Variants in NTM observed in about 807,000 individuals in gnomAD.
NTM encodes the protein IgLON family member 2.
In NTM, 13 loss-of-function variants were observed where a neutral mutation model predicts 42.1. The observed-to-expected ratio is 0.31, with a 90% CI of 0.20 to 0.49. The LOEUF (loss-of-function observed/expected upper bound fraction) is 0.49. Among genes scored for constraint, NTM ranks in the 20% least tolerant of loss-of-function variants. The probability of loss-of-function intolerance (pLI) is 0.99; values close to 1 mark genes in which losing one functional copy is unlikely to be tolerated. For missense variants in NTM, 373 were observed against 452.8 expected (o/e 0.82, Z 1.60); for synonymous variants, 187 against 179.2 (o/e 1.04, Z -0.35).
chr11:131,776,010 C>T (rs1243197605), intron 1 of NTM, among the ~76,000 whole-genome samples: 1 of 152,180 alleles, frequency 6.6e-6, no homozygotes, highest in Admixed American at 6.5e-5. Flanking sequence ...GAAGTTCTTT[C>T]CTGGAACAAC....
intron 2 of NTM, among the ~76,000 whole-genome samples, chr11:132,113,813 C>T (rs1050385025): frequency 2.0e-5 from 3 of 152,110 alleles, no homozygotes; most frequent in African/African-American, 4.8e-5. Flanking sequence ...CTTTCCAAGC[C>T]CTGGGAGGAC....
chr11:132,070,634 C>T (rs1295677599), intron 2 of NTM, among the ~76,000 whole-genome samples: 2 of 127,946 alleles, frequency 1.6e-5, no homozygotes, highest in African/African-American at 2.9e-5. Context: ...AGCCAAAACA[C>T]GTCAAACTGA....
chr11:131,523,666 G>A (rs1454279032), intron 1 of NTM, among the ~76,000 whole-genome samples: 1 of 150,706 alleles, frequency 6.6e-6, no homozygotes, highest in Non-Finnish European at 1.5e-5. Context: ...GCACATGTCT[G>A]TAATACCAGC....
At chr11:132,063,667 G>A (rs1391194396) in intron 2 of NTM, among the ~76,000 whole-genome samples, 1 of 152,134 alleles carries the variant, frequency 6.6e-6, no homozygotes, top group East Asian at 1.9e-4. Context: ...ATACTGATGT[G>A]GAAGGACTGA....
intron 2 of NTM, among the ~76,000 whole-genome samples, chr11:131,935,558 C>T (rs2059118757): frequency 6.6e-6 from 1 of 151,872 alleles, no homozygotes; most frequent in African/African-American, 2.4e-5. Context: ...TGTGTGCTGA[C>T]CACAGATAAT....
intron 1 of NTM, among the ~76,000 whole-genome samples, chr11:131,657,492 C>T (rs1048981586): frequency 6.6e-6 from 1 of 152,200 alleles, no homozygotes; most frequent in Non-Finnish European, 1.5e-5. Context: ...TGGTCTCCAC[C>T]AATTCCAGTT....
At chr11:131,439,712 G>C (rs1565501765) in intron 1 of NTM, among the ~76,000 whole-genome samples, 1 of 152,200 alleles carries the variant, frequency 6.6e-6, no homozygotes, top group Non-Finnish European at 1.5e-5. Context: ...GGTACCATCT[G>C]TCATGGCTTC....
intron 1 of NTM, among the ~76,000 whole-genome samples, chr11:131,751,447 G>T (rs539054491): frequency 6.6e-6 from 1 of 151,986 alleles, no homozygotes; most frequent in Non-Finnish European, 1.5e-5. Flanking sequence ...AAAATTAGCC[G>T]GGCGCGGTGG....
At chr11:132,156,593 G>T (rs1043009285) in intron 3 of NTM, among the ~76,000 whole-genome samples, 13 of 152,218 alleles carry the variant, frequency 8.5e-5, no homozygotes, top group Non-Finnish European at 1.8e-4. Flanking sequence ...TATCCCCAGT[G>T]CCTGGAATTT....
At chr11:131,747,345 C>A (rs1347261547) in intron 1 of NTM, among the ~76,000 whole-genome samples, 2 of 152,206 alleles carry the variant, frequency 1.3e-5, no homozygotes, top group Admixed American at 1.3e-4. Context: ...AGTCTTTCTG[C>A]AGAAGCTGTT....
chr11:131,788,005 C>G (rs1192263371), intron 1 of NTM, among the ~76,000 whole-genome samples: 8 of 152,122 alleles, frequency 5.3e-5, no homozygotes, highest in Admixed American at 3.9e-4. Flanking sequence ...TTTTCTTAGT[C>G]CTAATTGTGT....
rs544830382 is a variant in NTM, at chr11:132,003,174, G to A, written c.167+91526G>A. Among the ~76,000 whole-genome samples, 9 of 151,894 alleles carry A rather than the reference G, an allele frequency of 5.9e-5. No homozygotes were observed. In the East Asian group the frequency reaches 9.7e-4, roughly 16 times the overall value. On this transcript the variant is annotated intron_variant, in intron 2 of 8. Coordinates refer to ENST00000683400, the MANE Select transcript of NTM (RefSeq NM_001352005.2). The surrounding 1 kb of genome is among the most constrained non-coding windows in gnomAD (Gnocchi z 6.0). ...CCCGGTTCTGAGCCAGAGTTATTTC[G>A]CTCTGCCAGTGGTGCACTTCAGAAA...
chr11:131,572,725 C>G (rs1490577830), intron 1 of NTM, among the ~76,000 whole-genome samples: 3 of 152,166 alleles, frequency 2.0e-5, no homozygotes, highest in Non-Finnish European at 2.9e-5. Flanking sequence ...AGAAAAGAGG[C>G]TATTAAGGTG....
chr11:131,795,741 G>A lies in NTM; in HGVS notation c.83-115823G>A, dbSNP rs1316573784. 4 of 985,260 alleles carry A rather than the reference G, an allele frequency of 4.1e-6. No homozygotes were observed. The African/African-American group carries it at 7.0e-5, about 17-fold the overall frequency. 61.0% of individuals were successfully genotyped at this position (985,260 alleles called of 1,614,324 possible). ...CATTGCCTGAGGTGGTGACAGTGTA[G>A]TGGTTCAGGTCATGATACTGCCTTG... On this transcript the variant is annotated intron_variant, in intron 1 of 8. Transcript: ENST00000683400.
intron 1 of NTM, among the ~76,000 whole-genome samples, chr11:131,690,406 C>T (rs1178537707): frequency 2.0e-5 from 3 of 152,168 alleles, no homozygotes; most frequent in South Asian, 2.1e-4. Flanking sequence ...GGCAGAAACC[C>T]GGCCCAAGCC....
chr11:131,431,312 C>T (rs993414599), intron 1 of NTM, among the ~76,000 whole-genome samples: 1 of 152,174 alleles, frequency 6.6e-6, no homozygotes, highest in Non-Finnish European at 1.5e-5. Context: ...GGCACCGGTC[C>T]TTGGTATTCT....
intron 1 of NTM, among the ~76,000 whole-genome samples, chr11:131,419,195 T>C (rs1947260931): frequency 6.6e-6 from 1 of 152,102 alleles, no homozygotes; most frequent in African/African-American, 2.4e-5. Flanking sequence ...AAAACAGACC[T>C]GGGCTTCATC....
chr11:131,919,647 C>A (rs763227432), intron 2 of NTM, among the ~76,000 whole-genome samples: 1 of 152,010 alleles, frequency 6.6e-6, no homozygotes, highest in African/African-American at 2.4e-5. Flanking sequence ...TAAACAGGAC[C>A]GTTATTACCC....
At chr11:131,605,877 C>T (rs2060908048) in intron 1 of NTM, 2 of 983,124 alleles carry the variant, frequency 2.0e-6, no homozygotes, top group Non-Finnish European at 2.4e-6. Flanking sequence ...GGCAGCTTCA[C>T]CACCCCACTC....
Sources: gnomAD v4.1 joint callset for allele counts (sites outside exome capture counted in the v4.1 genomes callset) on GRCh38, gnomAD v4.1.1 for gene constraint, Gnocchi (gnomAD v3.1) non-coding constraint, MANE v1.5 for transcripts, NCBI Gene and HGNC (gene_info 2026-07-23, HGNC 2026-07-21) for gene names.